CDH12: variants seen among roughly 807,000 people sequenced by gnomAD.
CDH12 encodes the protein cadherin 12.
In CDH12, 41 loss-of-function variants were observed where a neutral mutation model predicts 74.1. The observed-to-expected ratio is 0.55, with a 90% confidence interval of 0.43 to 0.72. The LOEUF (loss-of-function observed/expected upper bound fraction) is 0.72. Ranked by LOEUF, CDH12 falls within the 30% of genes least tolerant of loss-of-function variation. The probability of loss-of-function intolerance (pLI) is 0.00; values close to 1 mark genes in which losing one functional copy is unlikely to be tolerated. For missense variants in CDH12, 945 were observed against 977.2 expected (o/e 0.97, Z 0.44); for synonymous variants, 399 against 355.0 (o/e 1.12, Z -1.39).
At chr5:22,124,707 T>C (rs1745742147) in intron 4 of CDH12, among the ~76,000 whole-genome samples, 1 of 152,256 alleles carries the variant, frequency 6.6e-6, no homozygotes, top group African/African-American at 2.4e-5. Context: ...TTAATCTTCT[T>C]AAATTTATCT....
intron 6 of CDH12, among the ~76,000 whole-genome samples, chr5:21,901,295 G>A (rs1272149051): frequency 6.6e-6 from 1 of 152,026 alleles, no homozygotes; most frequent in East Asian, 1.9e-4. Flanking sequence ...AATCCTGAGA[G>A]TGAACAAAAA....
intron 1 of CDH12, among the ~76,000 whole-genome samples, chr5:22,655,011 T>C (rs1739962477): frequency 6.6e-6 from 1 of 152,152 alleles, no homozygotes; most frequent in Admixed American, 6.6e-5. Flanking sequence ...CAACCGTCCT[T>C]AAAAGCTCTA....
rs192909291 is a variant in CDH12 at position 22,668,099 on chromosome 5, C to T, written c.-522-162735G>A. On this transcript the variant is annotated intron_variant, in intron 1 of 14. Coordinates refer to ENST00000382254, the MANE Select transcript of CDH12 (RefSeq NM_004061.5). ...TTCAATAAAAATTGAACATTTCCCT[C>T]TGTATTCCTCATTTAAATTGTGCTA... Among the ~76,000 whole-genome samples the T allele has an allele frequency of 6.6e-5, 10 of 152,272 alleles. No individual in the cohort carries two copies. The East Asian group carries it at 1.5e-3, about 24-fold the overall frequency.
intron 3 of CDH12, among the ~76,000 whole-genome samples, chr5:22,243,744 G>A (rs1408948999): frequency 6.6e-6 from 1 of 152,078 alleles, no homozygotes; most frequent in Non-Finnish European, 1.5e-5. Flanking sequence ...ACATTTTTTT[G>A]AGGAACGAAA....
chr5:22,827,137 G>A (rs1561059634), intron 1 of CDH12, among the ~76,000 whole-genome samples: 2 of 152,194 alleles, frequency 1.3e-5, no homozygotes. Context: ...GGTGCTCTGA[G>A]TCCCAGCCCC....
intron 3 of CDH12, among the ~76,000 whole-genome samples, chr5:22,363,044 C>A (rs906468190): frequency 6.6e-6 from 1 of 151,640 alleles, no homozygotes; most frequent in Non-Finnish European, 1.5e-5. Context: ...AACAAACCTG[C>A]GCATTGTGCA....
chr5:22,235,495 C>T (rs561842518), intron 3 of CDH12, among the ~76,000 whole-genome samples: 6 of 151,676 alleles, frequency 4.0e-5, no homozygotes, highest in African/African-American at 1.2e-4. Context: ...CAGGAAGAAT[C>T]GCTTGAACTT....
At chr5:21,914,646 C>T (rs527965798) in intron 6 of CDH12, among the ~76,000 whole-genome samples, 41 of 152,184 alleles carry the variant, frequency 2.7e-4, no homozygotes, top group African/African-American at 9.1e-4. Context: ...GTTTTCAGGC[C>T]AATTTTCTTT....
At chr5:22,265,463 G>A (rs1753670680) in intron 3 of CDH12, among the ~76,000 whole-genome samples, 1 of 152,114 alleles carries the variant, frequency 6.6e-6, no homozygotes, top group African/African-American at 2.4e-5. Context: ...CTATAATTCA[G>A]CTTTCTGTTT....
At chr5:22,129,256 G>C (rs1746046587) in intron 4 of CDH12, among the ~76,000 whole-genome samples, 1 of 152,184 alleles carries the variant, frequency 6.6e-6, no homozygotes, top group East Asian at 1.9e-4. Context: ...TAACACCTCT[G>C]AGTTTCCATA....
intron 2 of CDH12, among the ~76,000 whole-genome samples, chr5:22,452,790 A>G (rs1185064339): frequency 1.3e-5 from 2 of 148,620 alleles, no homozygotes; most frequent in African/African-American, 2.5e-5. Flanking sequence ...GATACAACCT[A>G]TGGAATGGGA....
intron 2 of CDH12, among the ~76,000 whole-genome samples, chr5:22,468,007 T>G (rs1745803792): frequency 6.6e-6 from 1 of 152,246 alleles, no homozygotes; most frequent in Non-Finnish European, 1.5e-5. Flanking sequence ...TAGAATTTCC[T>G]GATTTCAGCC....
At chr5:22,185,475 G>A (rs898018002) in intron 4 of CDH12, among the ~76,000 whole-genome samples, 2 of 152,184 alleles carry the variant, frequency 1.3e-5, no homozygotes, top group African/African-American at 2.4e-5. Context: ...GCACACGTGA[G>A]CTACTGGCAT....
intron 4 of CDH12, among the ~76,000 whole-genome samples, chr5:22,132,882 T>A (rs1035117413): frequency 2.0e-5 from 3 of 152,116 alleles, no homozygotes; most frequent in Non-Finnish European, 4.4e-5. Context: ...AGCCACTGCC[T>A]CACATTGCCA....
At chr5:22,334,601 A>G (rs890703191) in intron 3 of CDH12, among the ~76,000 whole-genome samples, 1 of 152,216 alleles carries the variant, frequency 6.6e-6, no homozygotes, top group African/African-American at 2.4e-5. Flanking sequence ...CTGACTTTGT[A>G]CTACAGAGCT....
At chr5:22,672,310 T>G (rs997688462) in intron 1 of CDH12, among the ~76,000 whole-genome samples, 1 of 151,540 alleles carries the variant, frequency 6.6e-6, no homozygotes, top group Non-Finnish European at 1.5e-5. Context: ...AGAGTATAAA[T>G]GTAGGGCTTT....
At chr5:22,455,567 A>G (rs538408318) in intron 2 of CDH12, among the ~76,000 whole-genome samples, 2 of 152,312 alleles carry the variant, frequency 1.3e-5, no homozygotes, top group African/African-American at 4.8e-5. Context: ...GATGTAAACC[A>G]TACGCATGAA....
At chr5:21,922,643 G>C (rs927272976) in intron 6 of CDH12, among the ~76,000 whole-genome samples, 11 of 152,086 alleles carry the variant, frequency 7.2e-5, no homozygotes, top group African/African-American at 2.4e-4. Flanking sequence ...TACATATGTA[G>C]ACAGAAATAT....
chr5:22,345,819 T>C (rs2150459460), intron 3 of CDH12, among the ~76,000 whole-genome samples: 1 of 152,216 alleles, frequency 6.6e-6, no homozygotes, highest in South Asian at 2.1e-4. Context: ...AAAAGGAGAA[T>C]GGGTCCGGGC....
Sources: allele counts gnomAD v4.1 joint callset (sites outside exome capture counted in the v4.1 genomes callset), GRCh38; gene constraint gnomAD v4.1.1; transcripts MANE v1.5; gene names NCBI Gene and HGNC (gene_info 2026-07-23, HGNC 2026-07-21).